Variants in DNM3 observed in about 807,000 individuals in gnomAD.
DNM3 encodes the protein dynamin 3.
A neutral mutation model predicts 101.6 loss-of-function variants in DNM3; 47 were observed. That is an observed-to-expected ratio of 0.46 (90% CI 0.37 to 0.59). The LOEUF (loss-of-function observed/expected upper bound fraction) is 0.59, where lower values mean the gene tolerates loss of function less well. DNM3 is among the 20% of genes least tolerant of loss of function. The probability of loss-of-function intolerance (pLI) is 0.00; values close to 1 mark genes in which losing one functional copy is unlikely to be tolerated. For missense variants in DNM3, 849 were observed against 1,085.7 expected (o/e 0.78, Z 3.06); for synonymous variants, 385 against 387.9 (o/e 0.99, Z 0.09).
intron 1 of DNM3, among the ~76,000 whole-genome samples, chr1:171,872,613 G>A (rs760133341): frequency 5.9e-5 from 9 of 152,158 alleles, no homozygotes; most frequent in Non-Finnish European, 8.8e-5. Flanking sequence ...GGATGTCCCC[G>A]CTAGTCTCTC....
intron 16 of DNM3, among the ~76,000 whole-genome samples, chr1:172,316,917 C>T (rs972964716): frequency 5.9e-5 from 9 of 152,184 alleles, no homozygotes; most frequent in Non-Finnish European, 1.0e-4. Context: ...ACTCTCCACC[C>T]CAAATCAATA....
At chr1:171,924,872 T>C (rs901294230) in intron 2 of DNM3, among the ~76,000 whole-genome samples, 2 of 152,028 alleles carry the variant, frequency 1.3e-5, no homozygotes, top group East Asian at 3.9e-4. Context: ...CTTTTGAGAA[T>C]TGTCTGTTCC....
chr1:172,199,895 G>T (rs907475536), intron 14 of DNM3, among the ~76,000 whole-genome samples: 3 of 151,854 alleles, frequency 2.0e-5, no homozygotes, highest in African/African-American at 7.3e-5. Flanking sequence ...GGGACATTTG[G>T]TCCATTTACA....
intron 17 of DNM3, among the ~76,000 whole-genome samples, chr1:172,362,120 T>G (rs1278824182): frequency 6.6e-6 from 1 of 152,006 alleles, no homozygotes; most frequent in Non-Finnish European, 1.5e-5. Context: ...CATTCTCTTC[T>G]TATTCTTCCT....
At chr1:172,307,984 A>G (rs1314133217) in intron 15 of DNM3, among the ~76,000 whole-genome samples, 1 of 152,152 alleles carries the variant, frequency 6.6e-6, no homozygotes, top group Non-Finnish European at 1.5e-5. Context: ...ACAAACCTGC[A>G]CGCTGTGCAC....
At chr1:171,887,175 A>G (rs1292386314) in intron 1 of DNM3, among the ~76,000 whole-genome samples, 1 of 152,126 alleles carries the variant, frequency 6.6e-6, no homozygotes. Context: ...GTCTTCTGCT[A>G]TTATTAATAG....
At chr1:172,232,270 C>G (rs2061366978) in intron 14 of DNM3, among the ~76,000 whole-genome samples, 2 of 152,148 alleles carry the variant, frequency 1.3e-5, no homozygotes, top group South Asian at 2.1e-4. Flanking sequence ...TTTAAACCAA[C>G]AAAGATCAAA....
chr1:172,362,428 G>A (rs1261868951), intron 17 of DNM3, among the ~76,000 whole-genome samples: 1 of 151,882 alleles, frequency 6.6e-6, no homozygotes, highest in East Asian at 1.9e-4. Flanking sequence ...GTCGTGATGT[G>A]CATGGTTTGA....
chr1:172,092,803 G>T (rs761579744), intron 12 of DNM3, 21 bp from the exon 13 acceptor site: 39 of 1,548,506 alleles, frequency 2.5e-5, no homozygotes, highest in Non-Finnish European at 3.1e-5. Flanking sequence ...CTTCAGTGCT[G>T]CTTTCCTTTG....
At chr1:171,992,539 A>G (rs2125634876) in intron 4 of DNM3, among the ~76,000 whole-genome samples, 1 of 152,274 alleles carries the variant, frequency 6.6e-6, no homozygotes, top group South Asian at 2.1e-4. Flanking sequence ...ACTCATTTTT[A>G]TTAGGTGCCA....
At chr1:172,284,853 T>C (rs2063635666) in intron 15 of DNM3, among the ~76,000 whole-genome samples, 2 of 152,076 alleles carry the variant, frequency 1.3e-5, no homozygotes, top group Non-Finnish European at 2.9e-5. Context: ...ATCCCACAAA[T>C]AGAAGGGAGT....
chr1:172,391,787 T>C (rs1393227816), intron 20 of DNM3, among the ~76,000 whole-genome samples: 1 of 152,126 alleles, frequency 6.6e-6, no homozygotes, highest in Non-Finnish European at 1.5e-5. Flanking sequence ...ACCTATAACA[T>C]GACAAGACAG....
At chr1:172,257,955 CGTCT>C (rs1001078047) in intron 15 of DNM3, among the ~76,000 whole-genome samples, 1 of 151,292 alleles carries the variant, frequency 6.6e-6, no homozygotes, top group African/African-American at 2.4e-5. Flanking sequence ...TTATTTCCAC[CGTCT>C]GGTATATATC....
chr1:172,216,567 TA>T (rs1271975610), intron 14 of DNM3, among the ~76,000 whole-genome samples: 1 of 152,150 alleles, frequency 6.6e-6, no homozygotes, highest in Non-Finnish European at 1.5e-5. Flanking sequence ...TTCAAAAGGT[TA>T]CTTGGAAACA....
In DNM3 at chr1:172,070,977, G is replaced by T. The variant is rs1330116329; in HGVS notation, c.1422+2072G>T. The stretch of plus-strand genomic sequence containing the variant: ...GTGGCCTGCACTACCAGTAGTCCCA[G>T]CTACTCGGAGGCTGAGGTGGAAGGA... On this transcript the variant is annotated intron_variant, in intron 11 of 20. Coordinates refer to ENST00000627582, the MANE Select transcript of DNM3 (RefSeq NM_015569.5). Among the ~76,000 whole-genome samples the T allele has an allele frequency of 3.3e-5, 5 of 150,052 alleles. No individual in the cohort carries two copies. The South Asian group carries it at 1.1e-3, about 32-fold the overall frequency.
intron 14 of DNM3, among the ~76,000 whole-genome samples, chr1:172,238,288 G>C (rs529802288): frequency 6.6e-6 from 1 of 152,110 alleles, no homozygotes; most frequent in Non-Finnish European, 1.5e-5. Context: ...GTTTAAGGCT[G>C]GGAGAAGCTG....
intron 20 of DNM3, among the ~76,000 whole-genome samples, chr1:172,398,680 A>C (rs974228695): frequency 6.6e-6 from 1 of 152,208 alleles, no homozygotes; most frequent in East Asian, 1.9e-4. Context: ...CATGGTCAGT[A>C]CAGCAGTGTT....
At chr1:172,055,556 A>T (rs936903255) in intron 10 of DNM3, among the ~76,000 whole-genome samples, 3 of 152,088 alleles carry the variant, frequency 2.0e-5, no homozygotes, top group Admixed American at 1.3e-4. Context: ...TAATTAAGGG[A>T]CCTTGAGAAT....
At chr1:171,958,758 G>C (rs886486701) in intron 2 of DNM3, among the ~76,000 whole-genome samples, 2 of 152,032 alleles carry the variant, frequency 1.3e-5, no homozygotes, top group African/African-American at 4.8e-5. Context: ...TTTGGGGAGG[G>C]GGAGATCAAT....
Sources: gnomAD v4.1 joint callset for allele counts (sites outside exome capture counted in the v4.1 genomes callset) on GRCh38, gnomAD v4.1.1 for gene constraint, MANE v1.5 for transcripts, NCBI Gene and HGNC (gene_info 2026-07-23, HGNC 2026-07-21) for gene names.